The following NCOR2 variants were observed in gnomAD, a reference collection of about 807,000 sequenced individuals.
NCOR2 encodes CTG repeat protein 26.
NCOR2 carries 81 observed loss-of-function variants against 262.9 expected under a neutral mutation model. That is an observed-to-expected ratio of 0.31 (90% CI 0.26 to 0.37). NCOR2 has a LOEUF of 0.37. NCOR2 is among the 10% of genes least tolerant of loss of function. The pLI is 1.00. For missense variants in NCOR2, 3,385 were observed against 3,621.4 expected (o/e 0.93, Z 1.68); for synonymous variants, 1,659 against 1,559.3 (o/e 1.06, Z -1.51).
intron 31 of NCOR2, among the ~76,000 whole-genome samples, chr12:124,345,527 G>C (rs573135555): frequency 6.6e-6 from 1 of 152,326 alleles, no homozygotes; most frequent in South Asian, 2.1e-4. Context: ...TTTTCAGCAG[G>C]CTTCGGAGAC....
rs147381146 is a variant in NCOR2 at position 124,473,882 on chromosome 12, C to T, written c.412-751G>A. 3.5e-3 allele frequency among the ~76,000 whole-genome samples: 527 copies of T among 152,326 alleles called. 1 individual carries two copies. Among genetic ancestry groups the T allele is most frequent in the Non-Finnish European group, 5.5e-3 (374 of 68,030 alleles). On this transcript the variant is annotated intron_variant, in intron 3 of 46. Coordinates refer to ENST00000405201, the Ensembl canonical transcript of NCOR2. ...CTGACTCCAGGCCCAGAGTCCTGGA[C>T]ATCTGTCAGGACAGTCCTCACCTGT... is the stretch of plus-strand genomic sequence containing the variant.
At chr12:124,519,557 AGGGGCGAGGCGGG>A (rs1274998900) in intron 1 of NCOR2, among the ~76,000 whole-genome samples, 1 of 152,134 alleles carries the variant, frequency 6.6e-6, no homozygotes, top group African/African-American at 2.4e-5. Context: ...GCCGGGGCGC[AGGGGCGAGGCGGG>A]GAGAGTTTGA....
At chr12:124,535,186 C>T (rs1309474647) in intron 1 of NCOR2, among the ~76,000 whole-genome samples, 2 of 152,238 alleles carry the variant, frequency 1.3e-5, no homozygotes, top group African/African-American at 4.8e-5. Flanking sequence ...GGCCCATCGA[C>T]AGGCCCCACC....
At chr12:124,392,428 T>C (rs1024225437) in intron 16 of NCOR2, among the ~76,000 whole-genome samples, 15 of 152,106 alleles carry the variant, frequency 9.9e-5, no homozygotes, top group African/African-American at 3.4e-4. Context: ...CCACACGTGG[T>C]GACAGTCTCC....
At position 124,481,051 on chromosome 12, in the gene NCOR2, T is replaced by G. The variant is rs1593752622; in HGVS notation, c.411+2545A>C. ...TGGGAGTGGCTCTGTGGTAGGGAGGTTGCCCCAGGGGATGAGCAGGGAGAG... is the reference window on the plus strand; with the variant it reads ...TGGGAGTGGCTCTGTGGTAGGGAGGGTGCCCCAGGGGATGAGCAGGGAGAG... On this transcript the variant is annotated intron_variant, in intron 3 of 46. Coordinates refer to ENST00000405201, the Ensembl canonical transcript of NCOR2. This position sits in a 1 kb window ranked among gnomAD's most constrained non-coding sequence, Gnocchi z 4.6. Among the ~76,000 whole-genome samples the G allele has an allele frequency of 7.0e-6, 1 of 143,040 alleles. No individual in the cohort carries two copies. Among genetic ancestry groups the G allele is most frequent in the African/African-American group, 2.6e-5 (1 of 37,744 alleles). 93.8% of individuals were successfully genotyped at this position (143,040 alleles called of 152,430 possible). A position where few individuals can be genotyped will look rare whatever the true frequency, so the allele number is the denominator to read the frequency against.
chr12:124,342,984 T>C, intron 33 of NCOR2, 21 bp downstream of exon 35: 1 of 1,609,402 alleles, frequency 6.2e-7, no homozygotes, highest in East Asian at 2.2e-5. Flanking sequence ...TGCAGGGTTC[T>C]GGGAGCCCCA....
chr12:124,486,691 G>A, intron 1 of NCOR2, 123 bp from the exon 4 acceptor site: 3 of 1,256,396 alleles, frequency 2.4e-6, no homozygotes, highest in South Asian at 3.2e-5. Flanking sequence ...AGGCAGATAA[G>A]CCCAAGTCCT....
At chr12:124,500,066 C>T (rs2048615093), upstream of NCOR2, among the ~76,000 whole-genome samples, 1 of 152,244 alleles carries the variant, frequency 6.6e-6, no homozygotes, top group South Asian at 2.1e-4. Flanking sequence ...TGGGGAACAG[C>T]AGGTGCTCAG....
intron 30 of NCOR2, 67 bp downstream of exon 32, chr12:124,347,758 C>T (rs2037062527): frequency 6.7e-7 from 1 of 1,491,380 alleles, no homozygotes. Flanking sequence ...CTGTGTCTCT[C>T]CCTCCCGCGC....
intron 1 of NCOR2, among the ~76,000 whole-genome samples, chr12:124,559,437 C>T (rs1398892857): frequency 1.3e-5 from 2 of 152,208 alleles, no homozygotes; most frequent in South Asian, 2.1e-4. Context: ...AGTCACTCAC[C>T]GTCATCTTCC....
chr12:124,356,906 G>C, intron 22 of NCOR2, 124 bp from the exon 25 acceptor site: 3 of 1,237,998 alleles, frequency 2.4e-6, no homozygotes, highest in Non-Finnish European at 3.2e-6. Context: ...GTGACGGCCT[G>C]GGCTCCTCCG....
At chr12:124,496,362 G>A (rs1278969762), upstream of NCOR2, among the ~76,000 whole-genome samples, 1 of 151,828 alleles carries the variant, frequency 6.6e-6, no homozygotes, top group African/African-American at 2.4e-5. The surrounding 1 kb of genome is among the most constrained non-coding windows in gnomAD (Gnocchi z 4.4). Flanking sequence ...CCTCAGAAAA[G>A]GTGTGTCCAT....
chr12:124,502,414 G>C lies in NCOR2; in HGVS notation c.-117-7046C>G, dbSNP rs2048795411. On this transcript the variant is annotated intron_variant, in intron 1 of 46. Transcript: ENST00000404621. ...TGGCAGAAGGTGTTAGCACGATGGA[G>C]AAAAACAGAACCAGGAGGCGGCAGG... Among the ~76,000 whole-genome samples the C allele has an allele frequency of 3.9e-5, 6 of 152,208 alleles. No individual in the cohort carries two copies. In the South Asian group the frequency reaches 1.2e-3, roughly 31 times the overall value.
intron 1 of NCOR2, among the ~76,000 whole-genome samples, chr12:124,506,278 C>G (rs2049032330): frequency 6.6e-6 from 1 of 151,070 alleles, no homozygotes; most frequent in African/African-American, 2.5e-5. Context: ...GGTGCCCAAA[C>G]CCCCGGCCCT....
At chr12:124,379,478 G>A (rs2040256183) in intron 17 of NCOR2, among the ~76,000 whole-genome samples, 1 of 152,248 alleles carries the variant, frequency 6.6e-6, no homozygotes, top group Admixed American at 6.5e-5. Context: ...AGACAGCAGA[G>A]AGCAGGGGCA....
intron 5 of NCOR2, among the ~76,000 whole-genome samples, chr12:124,461,372 C>A (rs2046152949): frequency 6.6e-6 from 1 of 152,244 alleles, no homozygotes; most frequent in African/African-American, 2.4e-5. Flanking sequence ...CGTCCACCCC[C>A]TGTAGGGGCT....
rs147695745 is a variant in NCOR2, at chr12:124,354,075, G to A, written c.3693+18C>T. 7,555 of 1,600,956 alleles carry A rather than the reference G, an allele frequency of 4.7e-3. 38 individuals carry two copies. Among genetic ancestry groups the A allele is most frequent in the South Asian group, 0.013 (1,159 of 89,810 alleles). ...GCTGGTCCCAACCGTCCTTCCTGCC[G>A]CACCCCAGGACACCTACGTGGGTGA... On this transcript the variant is annotated intron_variant, in intron 27 of 46. Transcript: ENST00000405201.
rs762699732 is a variant in NCOR2 at position 124,347,926 on chromosome 12, G to C, written c.3986-15C>G. ...GCCCATGAGACCTGGGTAGGAGAGG[G>C]TGAGGCCATCATTCCGTGGCTCCCT... is the stretch of plus-strand genomic sequence containing the variant. On this transcript the variant is annotated splice_polypyrimidine_tract_variant and intron_variant, in intron 29 of 46. Transcript: ENST00000405201. 1.9e-6 allele frequency: 3 copies of C among 1,555,268 alleles called. No homozygotes were observed. Among genetic ancestry groups the C allele is most frequent in the Non-Finnish European group, 1.7e-6 (2 of 1,148,918 alleles).
intron 1 of NCOR2, among the ~76,000 whole-genome samples, chr12:124,547,529 TA>T (rs1213369885): frequency 3.3e-5 from 5 of 152,224 alleles, no homozygotes; most frequent in African/African-American, 1.2e-4. Context: ...TCACATTACA[TA>T]AAATTAACCA....
Sources: allele counts gnomAD v4.1 joint callset (sites outside exome capture counted in the v4.1 genomes callset), GRCh38; gene constraint gnomAD v4.1.1; non-coding constraint Gnocchi (gnomAD v3.1); transcripts MANE v1.5; gene names NCBI Gene and HGNC (gene_info 2026-07-23, HGNC 2026-07-21).